The following TRIT1 variants were observed in gnomAD, a reference collection of about 807,000 sequenced individuals.
TRIT1 encodes tRNA isopentenyltransferase 1.
Under a neutral mutation model 51.2 loss-of-function variants are expected in TRIT1, and 43 were observed. That is an observed-to-expected ratio of 0.84 (90% confidence interval 0.66 to 1.08). TRIT1 has a LOEUF of 1.08. Among genes scored for constraint, TRIT1 ranks in the 50% least tolerant of loss-of-function variants. TRIT1 has a pLI of 0.00. For missense variants in TRIT1, 528 were observed against 578.4 expected (o/e 0.91, Z 0.89); for synonymous variants, 184 against 203.9 (o/e 0.90, Z 0.83).
intron 3 of TRIT1, among the ~76,000 whole-genome samples, chr1:39,853,542 C>T (rs933627853): frequency 1.3e-5 from 2 of 151,784 alleles, no homozygotes; most frequent in African/African-American, 4.8e-5. Context: ...ATTACAGGTG[C>T]GTGCCACCAT....
intron 4 of TRIT1, among the ~76,000 whole-genome samples, chr1:39,850,944 T>TA: frequency 6.6e-6 from 1 of 152,316 alleles, no homozygotes; most frequent in South Asian, 2.1e-4. Context: ...CTCACATACT[T>TA]ATTCTTAAGC....
intron 8 of TRIT1, among the ~76,000 whole-genome samples, chr1:39,845,720 C>T (rs1034913556): frequency 2.0e-5 from 3 of 152,228 alleles, no homozygotes; most frequent in Non-Finnish European, 2.9e-5. Flanking sequence ...AACAAGTTCT[C>T]GGCTCCCAGC....
At chr1:39,866,018 AAAAGAAAG>A (rs869274110) in intron 1 of TRIT1, among the ~76,000 whole-genome samples, 1 of 142,702 alleles carries the variant, frequency 7.0e-6, no homozygotes, top group African/African-American at 2.5e-5. Context: ...GAAGGAAAAG[AAAAGAAAG>A]AAAAGAAAAG....
At position 39,841,083 on chromosome 1, in the gene TRIT1, T is replaced by C. The variant is rs955403681; in HGVS notation, c.*661A>G. The stretch of plus-strand genomic sequence containing the variant: ...AATTTTTTCTTTATTTAAACTTCAA[T>C]AAAAATATAGATTTGTAACTCAATA... On this transcript the variant is annotated 3_prime_UTR_variant, in exon 11 of 11. Coordinates refer to ENST00000316891, the MANE Select transcript of TRIT1 (RefSeq NM_017646.6). 1 of 152,180 alleles carries C rather than the reference T, an allele frequency of 6.6e-6. No homozygotes were observed. Among genetic ancestry groups the C allele is most frequent in the African/African-American group, 2.4e-5 (1 of 41,466 alleles). 9.4% of individuals were successfully genotyped at this position (152,180 alleles called of 1,614,324 possible).
At chr1:39,869,267 T>G (rs1014375990) in intron 1 of TRIT1, among the ~76,000 whole-genome samples, 2 of 152,198 alleles carry the variant, frequency 1.3e-5, no homozygotes, top group African/African-American at 4.8e-5. Flanking sequence ...CACGCCTGAC[T>G]GGTTTTCATA....
At chr1:39,865,974 GA>G (rs1239017625) in intron 1 of TRIT1, among the ~76,000 whole-genome samples, 1 of 141,512 alleles carries the variant, frequency 7.1e-6, no homozygotes, top group Non-Finnish European at 1.5e-5. Flanking sequence ...AAGAAAGAAG[GA>G]AAAGGAAAAG....
chr1:39,874,571 C>A (rs189561017), intron 1 of TRIT1, among the ~76,000 whole-genome samples: 1 of 152,128 alleles, frequency 6.6e-6, no homozygotes, highest in Admixed American at 6.5e-5. Flanking sequence ...AGGATGTGAA[C>A]CAAAATCATT....
intron 1 of TRIT1, among the ~76,000 whole-genome samples, chr1:39,876,664 C>T (rs1031344341): frequency 6.6e-6 from 1 of 151,882 alleles, no homozygotes; most frequent in Admixed American, 6.6e-5. Flanking sequence ...CAGTGGCTCA[C>T]GCTTGTAATC....
Position 39,859,260 on chromosome 1 carries a change from C to CAAAAAAAAAAAA in TRIT1, c.175-1855_175-1844dup, listed in dbSNP as rs3033562. Among the ~76,000 whole-genome samples, 2 of 19,034 alleles carry CAAAAAAAAAAAA rather than the reference C, an allele frequency of 1.1e-4. 1 individual carries two copies. The highest frequency in any genetic ancestry group is 2.4e-4 in the Non-Finnish European group (2 of 8,182). The allele number at this position is 19,034 out of a possible 152,430, so 12.5% of individuals were successfully genotyped here. On this transcript the variant is annotated intron_variant, in intron 1 of 10. Transcript: ENST00000316891. ...AACAGAGTGAGACTCGACTCCGTCT[C>CAAAAAAAAAAAA]AAAAAAAAAAAAAAAAAAAAAAAAA... is the stretch of plus-strand genomic sequence containing the variant.
At chr1:39,855,585 T>C (rs1642845755) in intron 2 of TRIT1, among the ~76,000 whole-genome samples, 1 of 152,216 alleles carries the variant, frequency 6.6e-6, no homozygotes, top group Non-Finnish European at 1.5e-5. Context: ...CCTTTGAGCA[T>C]CATCTCAGCA....
intron 1 of TRIT1, among the ~76,000 whole-genome samples, chr1:39,876,667 T>C (rs1464545253): frequency 6.6e-6 from 1 of 151,812 alleles, no homozygotes. Flanking sequence ...TGGCTCACGC[T>C]TGTAATCACA....
rs532633835 is a variant in TRIT1, at chr1:39,863,785, AAAC to A, written c.175-6371_175-6369del. ...AAAAGAGATATGAAAAAAAAACTATAAACAACAACAACAACAAAAGATATGGAA... is the reference window on the plus strand; with the variant it reads ...AAAAGAGATATGAAAAAAAAACTATAAACAACAACAACAAAAGATATGGAA... On this transcript the variant is annotated intron_variant, in intron 1 of 10. Coordinates refer to ENST00000316891, the MANE Select transcript of TRIT1 (RefSeq NM_017646.6). Among the ~76,000 whole-genome samples the A allele has an allele frequency of 3.2e-3, 483 of 152,154 alleles. 6 individuals are homozygous for A. The highest frequency in any genetic ancestry group is 0.011 in the African/African-American group (439 of 41,530).
chr1:39,875,805 A>C (rs1300292822), intron 1 of TRIT1, among the ~76,000 whole-genome samples: 1 of 152,198 alleles, frequency 6.6e-6, no homozygotes, highest in Non-Finnish European at 1.5e-5. Flanking sequence ...AATAAGAGTT[A>C]GAGGAAAAAG....
At chr1:39,864,242 G>A (rs2124642012) in intron 1 of TRIT1, among the ~76,000 whole-genome samples, 1 of 152,006 alleles carries the variant, frequency 6.6e-6, no homozygotes, top group East Asian at 1.9e-4. Context: ...GCATTTAGAG[G>A]GTAGAGGCCA....
At chr1:39,878,503 A>G (rs7516590) in intron 1 of TRIT1, among the ~76,000 whole-genome samples, 27,776 of 152,222 alleles carry the variant, frequency 0.18, 2,676 homozygotes, top group Non-Finnish European at 0.22. Flanking sequence ...ACAATTTAAC[A>G]TTTAAGATAG....
Position 39,841,630 on chromosome 1 carries a change from C to G in TRIT1, c.*114G>C. ...TCAAAAGAAAATGGTGGGAGCTTTT[C>G]TGCTATGCAGAGAATTCCGCATAGC... On this transcript the variant is annotated 3_prime_UTR_variant, in exon 11 of 11. Coordinates refer to ENST00000316891, the MANE Select transcript of TRIT1 (RefSeq NM_017646.6). The G allele has an allele frequency of 9.2e-7, 1 of 1,090,952 alleles. No individual in the cohort carries two copies. The highest frequency in any genetic ancestry group is 1.3e-6 in the Non-Finnish European group (1 of 787,010). 67.6% of individuals were successfully genotyped at this position (1,090,952 alleles called of 1,614,324 possible).
chr1:39,852,121 C>G (rs1054927925), intron 4 of TRIT1, among the ~76,000 whole-genome samples: 3 of 152,076 alleles, frequency 2.0e-5, no homozygotes, highest in Admixed American at 2.0e-4. Flanking sequence ...ATCTGTATAA[C>G]CATCAATAGA....
At chr1:39,864,579 C>G (rs890252240) in intron 1 of TRIT1, among the ~76,000 whole-genome samples, 1 of 132,930 alleles carries the variant, frequency 7.5e-6, no homozygotes, top group East Asian at 2.1e-4. Flanking sequence ...ACTGCACTGA[C>G]AGAGCGAGAC....
At position 39,838,500 on chromosome 1, in the gene TRIT1, C is replaced by T. The variant is rs1255222516; in HGVS notation, c.*3244G>A. 6.6e-6 allele frequency among the ~76,000 whole-genome samples: 1 copy of T among 152,126 alleles called. No individual in the cohort carries two copies. The highest frequency in any genetic ancestry group is 1.9e-4 in the East Asian group (1 of 5,190). On this transcript the variant is annotated 3_prime_UTR_variant, in exon 11 of 11. Transcript: ENST00000316891. ...TTATTTTCTTTTTGAGCAACATGGT[C>T]TTGCTCTGCCACCCAGGCTGGAATG...
Sources: gnomAD v4.1 joint callset for allele counts (sites outside exome capture counted in the v4.1 genomes callset) on GRCh38, gnomAD v4.1.1 for gene constraint, MANE v1.5 for transcripts, NCBI Gene and HGNC (gene_info 2026-07-23, HGNC 2026-07-21) for gene names.